The following CPVL variants were observed in gnomAD, a reference collection of about 807,000 sequenced individuals.
CPVL encodes the protein probable serine carboxypeptidase CPVL.
Under a neutral mutation model 63.7 loss-of-function variants are expected in CPVL, and 51 were observed. The observed-to-expected ratio is 0.80, with a 90% CI of 0.64 to 1.01. The LOEUF (loss-of-function observed/expected upper bound fraction) is 1.01, where lower values mean the gene tolerates loss of function less well. Among genes scored for constraint, CPVL ranks in the 50% least tolerant of loss-of-function variants. The probability of loss-of-function intolerance (pLI) is 0.00; values close to 1 mark genes in which losing one functional copy is unlikely to be tolerated. For missense variants in CPVL, 530 were observed against 573.1 expected (o/e 0.92, Z 0.77); for synonymous variants, 195 against 206.0 (o/e 0.95, Z 0.46).
At chr7:29,093,459 TTCC>T (rs1373650253) in intron 5 of CPVL, among the ~76,000 whole-genome samples, 1 of 152,054 alleles carries the variant, frequency 6.6e-6, no homozygotes. Flanking sequence ...CTTCTTCTTC[TTCC>T]TCCTCCTCCT....
intron 12 of CPVL, among the ~76,000 whole-genome samples, chr7:28,999,936 TAAC>T (rs1469535418): frequency 6.6e-6 from 1 of 152,188 alleles, no homozygotes; most frequent in East Asian, 1.9e-4. Context: ...AAATCAAAGA[TAAC>T]AGACCACTTG....
chr7:29,035,424 C>A (rs1051973190), intron 11 of CPVL, among the ~76,000 whole-genome samples: 1 of 152,226 alleles, frequency 6.6e-6, no homozygotes, highest in Non-Finnish European at 1.5e-5. Context: ...CTGCTGGAAA[C>A]TGAGAGTTAG....
At chr7:29,020,111 C>T (rs1372977985) in intron 12 of CPVL, among the ~76,000 whole-genome samples, 1 of 152,168 alleles carries the variant, frequency 6.6e-6, no homozygotes, top group Non-Finnish European at 1.5e-5. Flanking sequence ...AGCAATCTGG[C>T]CTCCCAAGCT....
chr7:29,063,242 C>T (rs989158848), intron 11 of CPVL, among the ~76,000 whole-genome samples: 1 of 152,182 alleles, frequency 6.6e-6, no homozygotes, highest in African/African-American at 2.4e-5. Flanking sequence ...CTTGACTTGA[C>T]CTACTTCCAA....
intron 11 of CPVL, among the ~76,000 whole-genome samples, chr7:29,052,115 A>AT (rs1405481815): frequency 6.6e-6 from 1 of 152,028 alleles, no homozygotes; most frequent in Non-Finnish European, 1.5e-5. Flanking sequence ...ACGCAAAGGC[A>AT]TAAGAATGAT....
chr7:29,160,672 G>A (rs1290026335), intron 5 of CPVL, among the ~76,000 whole-genome samples: 5 of 152,142 alleles, frequency 3.3e-5, no homozygotes, highest in Admixed American at 1.3e-4. Flanking sequence ...TTGTGAAAAC[G>A]TGATGATGCC....
intron 4 of CPVL, among the ~76,000 whole-genome samples, chr7:29,095,693 G>GCGT (rs1269124826): frequency 1.3e-5 from 2 of 152,016 alleles, no homozygotes; most frequent in Non-Finnish European, 2.9e-5. Context: ...ACCGGGAATA[G>GCGT]CGTCTTGCTT....
intron 1 of CPVL, chr7:29,194,412 T>C (rs1027424142): frequency 2.0e-5 from 3 of 152,552 alleles, no homozygotes; most frequent in African/African-American, 7.2e-5. Flanking sequence ...GCGTCTCCTC[T>C]TCTTCCTTTG....
In CPVL at chr7:29,013,709, A is replaced by C. The variant is rs1049722129; in HGVS notation, c.1320+16868T>G. ...TGTGGTAGACATAGAGATGCACCCC[A>C]CTGGACCTCTCTTCAAGGATGTACT... On this transcript the variant is annotated intron_variant, in intron 12 of 12. Coordinates refer to ENST00000265394, the MANE Select transcript of CPVL (RefSeq NM_031311.5). Among the ~76,000 whole-genome samples the C allele has an allele frequency of 1.0e-3, 159 of 152,324 alleles. 1 individual carries two copies. Among genetic ancestry groups the C allele is most frequent in the Non-Finnish European group, 3.1e-4 (21 of 68,026 alleles).
chr7:29,091,990 G>A (rs1785856457), intron 6 of CPVL, among the ~76,000 whole-genome samples: 1 of 152,062 alleles, frequency 6.6e-6, no homozygotes, highest in African/African-American at 2.4e-5. Flanking sequence ...ATAAAGCGGT[G>A]CCCTAGTGAC....
In CPVL at chr7:29,071,822, T is replaced by C. The variant is rs2128576410; in HGVS notation, c.815A>G (p.His272Arg). ...CTTCCTGATGTGTTCTATGCATTCA[T>C]GGCACTGCTTCTGGAAGTACTTTTT... Reference protein sequence around the residue: ...KQKKYFQKQCHECIEHIRKQN... With the variant: ...KQKKYFQKQCRECIEHIRKQN... The change falls in exon 9 of 13, where the codon CAT becomes CGT. Residue 272 changes from histidine (H) to arginine (R), a missense_variant. His to Arg is a conservative substitution (Grantham distance 29, BLOSUM62 0). Transcript: ENST00000265394. The C allele has an allele frequency of 6.3e-7, 1 of 1,595,684 alleles. No individual in the cohort carries two copies. Among genetic ancestry groups the C allele is most frequent in the Non-Finnish European group, 8.6e-7 (1 of 1,168,230 alleles).
intron 1 of CPVL, among the ~76,000 whole-genome samples, chr7:29,144,721 T>C (rs1313242479): frequency 6.6e-6 from 1 of 152,144 alleles, no homozygotes; most frequent in Non-Finnish European, 1.5e-5. Context: ...TCTGACAAAC[T>C]AGATGCTTCC....
At chr7:29,084,827 T>C (rs1183782260) in intron 7 of CPVL, among the ~76,000 whole-genome samples, 1 of 152,208 alleles carries the variant, frequency 6.6e-6, no homozygotes, top group Admixed American at 6.5e-5. Context: ...ATAAAAATCA[T>C]TGCAGCAAAA....
chr7:29,013,535 A>T (rs924446429), intron 12 of CPVL, among the ~76,000 whole-genome samples: 1 of 152,246 alleles, frequency 6.6e-6, no homozygotes. Flanking sequence ...TATAAGACAT[A>T]ATTACACTGA....
chr7:29,156,554 C>T (rs975150224), intron 5 of CPVL, among the ~76,000 whole-genome samples: 1 of 152,168 alleles, frequency 6.6e-6, no homozygotes, highest in Non-Finnish European at 1.5e-5. Flanking sequence ...TGCCCTGAGG[C>T]ATCTGAAGGA....
At chr7:29,082,229 TAAAGAGTG>T (rs1329794123) in intron 7 of CPVL, 26 of 152,294 alleles carry the variant, frequency 1.7e-4, no homozygotes, top group African/African-American at 6.3e-4. Context: ...TACAGATACT[TAAAGAGTG>T]AGTCTAGATA....
At chr7:29,118,554 T>C (rs1054540853) in intron 2 of CPVL, among the ~76,000 whole-genome samples, 3 of 152,208 alleles carry the variant, frequency 2.0e-5, no homozygotes, top group African/African-American at 4.8e-5. Context: ...TCATCTTTCC[T>C]TAGAAAAGAG....
At chr7:29,098,117 TG>T (rs1451182707) in intron 3 of CPVL, among the ~76,000 whole-genome samples, 11 of 152,142 alleles carry the variant, frequency 7.2e-5, no homozygotes, top group Admixed American at 1.3e-4. Flanking sequence ...ACCTCTGACT[TG>T]GCCTGGCTAT....
intron 4 of CPVL, among the ~76,000 whole-genome samples, chr7:29,183,930 A>G (rs1325889703): frequency 6.6e-6 from 1 of 152,224 alleles, no homozygotes; most frequent in African/African-American, 2.4e-5. Context: ...ACAATGGGGC[A>G]TAACAACGAG....
Sources: gnomAD v4.1 joint callset for allele counts (sites outside exome capture counted in the v4.1 genomes callset) on GRCh38, gnomAD v4.1.1 for gene constraint, MANE v1.5 for transcripts, NCBI Gene and HGNC (gene_info 2026-07-23, HGNC 2026-07-21) for gene names.